The following PGM5 variants were observed in gnomAD, a reference collection of about 807,000 sequenced individuals.
The protein encoded by PGM5 is phosphoglucomutase 5.
In PGM5, 23 loss-of-function variants were observed where a neutral mutation model predicts 59.2. The observed-to-expected ratio is 0.39, with a 90% CI of 0.28 to 0.55. The LOEUF (loss-of-function observed/expected upper bound fraction) is 0.55, where lower values mean the gene tolerates loss of function less well. Among genes scored for constraint, PGM5 ranks in the 20% least tolerant of loss-of-function variants. PGM5 has a pLI of 0.66. For synonymous variants in PGM5, 214 were observed against 286.0 expected (o/e 0.75, Z 2.54); for missense variants, 574 against 748.3 (o/e 0.77, Z 2.72).
intron 6 of PGM5, chr9:68,399,097 A>G (rs1822597409): frequency 6.6e-6 from 1 of 152,100 alleles, no homozygotes; most frequent in Non-Finnish European, 1.5e-5. Context: ...TTTTCCACTA[A>G]AGACCACACT....
chr9:68,372,243 G>C (rs1344608223), intron 1 of PGM5, among the ~76,000 whole-genome samples: 6 of 148,862 alleles, frequency 4.0e-5, no homozygotes, highest in African/African-American at 1.5e-4. Flanking sequence ...TATCGGCATG[G>C]CCACACTCTG....
chr9:68,484,170 C>T lies in PGM5; in HGVS notation c.1479+122C>T, dbSNP rs906434646. Reference sequence around the variant, plus strand: ...CCTCATTTTATAGATGAGAACTGTGCAGCCAGGAAAGAGGAAAGCCCTTGA... The same window carrying T: ...CCTCATTTTATAGATGAGAACTGTGTAGCCAGGAAAGAGGAAAGCCCTTGA... On this transcript the variant is annotated intron_variant, in intron 9 of 10. Coordinates refer to ENST00000396396, the MANE Select transcript of PGM5 (RefSeq NM_021965.4). 26 of 815,450 alleles carry T rather than the reference C, an allele frequency of 3.2e-5. No homozygotes were observed. The Middle Eastern group carries it at 2.3e-3, about 71-fold the overall frequency. The allele number at this position is 815,450 out of a possible 1,614,324, so 50.5% of individuals were successfully genotyped here. A position where few individuals can be genotyped will look rare whatever the true frequency, so the allele number is the denominator to read the frequency against.
chr9:68,468,595 T>C (rs1170980417), intron 7 of PGM5, among the ~76,000 whole-genome samples: 1 of 152,190 alleles, frequency 6.6e-6, no homozygotes, highest in Non-Finnish European at 1.5e-5. Context: ...GGATGGTGTG[T>C]AGAATACAAA....
At chr9:68,462,700 C>T (rs782253868) in intron 6 of PGM5, among the ~76,000 whole-genome samples, 2 of 151,982 alleles carry the variant, frequency 1.3e-5, no homozygotes, top group Non-Finnish European at 2.9e-5. Context: ...CGTACCCTCC[C>T]TCTCACCCTC....
intron 6 of PGM5, among the ~76,000 whole-genome samples, chr9:68,410,983 G>T (rs781982797): frequency 6.6e-6 from 1 of 152,170 alleles, no homozygotes; most frequent in Non-Finnish European, 1.5e-5. Flanking sequence ...TCATGGAAAG[G>T]CCCCAGCAGT....
At chr9:68,469,890 T>C (rs1370878183) in intron 7 of PGM5, among the ~76,000 whole-genome samples, 1 of 152,184 alleles carries the variant, frequency 6.6e-6, no homozygotes, top group Non-Finnish European at 1.5e-5. Flanking sequence ...AGTAGTTATC[T>C]TTTTGTCATC....
intron 7 of PGM5, among the ~76,000 whole-genome samples, chr9:68,474,121 C>T (rs935399951): frequency 1.2e-4 from 19 of 152,104 alleles, no homozygotes; most frequent in Non-Finnish European, 2.9e-5. Context: ...ATGCCTGGGC[C>T]CCATCATTAA....
chr9:68,365,467 T>C (rs1405013774), intron 1 of PGM5, among the ~76,000 whole-genome samples: 1 of 151,792 alleles, frequency 6.6e-6, no homozygotes, highest in African/African-American at 2.4e-5. Flanking sequence ...CTAGAATATA[T>C]ATGTGACTTG....
chr9:68,395,014 T>G (rs574696449), intron 6 of PGM5, among the ~76,000 whole-genome samples: 152 of 152,314 alleles, frequency 1.0e-3, no homozygotes, highest in African/African-American at 3.5e-3. Flanking sequence ...ATGGATTATA[T>G]GATTATTATA....
intron 2 of PGM5, among the ~76,000 whole-genome samples, chr9:68,382,919 A>T (rs1822113510): frequency 6.6e-6 from 1 of 152,022 alleles, no homozygotes; most frequent in Non-Finnish European, 1.5e-5. Flanking sequence ...GCCAAAGAAT[A>T]TAGTATGGTG....
chr9:68,361,413 G>A (rs1834578730), intron 1 of PGM5, among the ~76,000 whole-genome samples: 1 of 152,218 alleles, frequency 6.6e-6, no homozygotes. Flanking sequence ...TTTTCACTCT[G>A]TTTTTTCCTG....
intron 10 of PGM5, among the ~76,000 whole-genome samples, chr9:68,511,565 T>TTTTTTTTTTTTTG: frequency 7.6e-6 from 1 of 132,352 alleles, no homozygotes; most frequent in Non-Finnish European, 1.6e-5. Flanking sequence ...TTTTTTTTTT[T>TTTTTTTTTTTTTG]TTTTTAGATG....
At chr9:68,430,773 T>TA (rs548364476) in intron 6 of PGM5, among the ~76,000 whole-genome samples, 95 of 152,354 alleles carry the variant, frequency 6.2e-4, no homozygotes, top group Non-Finnish European at 1.2e-3. Context: ...ACTGTTATGA[T>TA]AAAAAAGAAC....
chr9:68,392,774 TGAG>T (rs1162297059), intron 6 of PGM5, among the ~76,000 whole-genome samples: 1 of 152,116 alleles, frequency 6.6e-6, no homozygotes, highest in African/African-American at 2.4e-5. Context: ...GAAGTACAAA[TGAG>T]GTGCTTCATG....
intron 10 of PGM5, among the ~76,000 whole-genome samples, chr9:68,505,288 T>C (rs1199082819): frequency 6.6e-6 from 1 of 152,296 alleles, no homozygotes; most frequent in East Asian, 1.9e-4. Flanking sequence ...CAGTACAGTG[T>C]TATTGAGAGG....
chr9:68,507,324 A>C (rs1040885780), intron 10 of PGM5, among the ~76,000 whole-genome samples: 1 of 152,156 alleles, frequency 6.6e-6, no homozygotes, highest in Non-Finnish European at 1.5e-5. Context: ...GGGAAAGATG[A>C]CCAGCTGTTC....
chr9:68,382,586 G>A (rs1822105778), intron 2 of PGM5, among the ~76,000 whole-genome samples: 1 of 151,240 alleles, frequency 6.6e-6, no homozygotes, highest in African/African-American at 2.4e-5. Flanking sequence ...AAAATCTCTG[G>A]GTATTCTTTT....
intron 4 of PGM5, among the ~76,000 whole-genome samples, chr9:68,389,870 G>T (rs797026576): frequency 7.9e-5 from 12 of 152,126 alleles, no homozygotes; most frequent in African/African-American, 2.6e-4. Flanking sequence ...ATGCATGAGG[G>T]CTCCAGTTTA....
intron 6 of PGM5, among the ~76,000 whole-genome samples, chr9:68,399,783 C>T (rs1554680395): frequency 1.3e-5 from 2 of 152,064 alleles, no homozygotes; most frequent in East Asian, 1.9e-4. Context: ...CTCCTGAGTT[C>T]GATAGCCAAA....
Sources: allele counts gnomAD v4.1 joint callset (sites outside exome capture counted in the v4.1 genomes callset), GRCh38; gene constraint gnomAD v4.1.1; transcripts MANE v1.5; gene names NCBI Gene and HGNC (gene_info 2026-07-23, HGNC 2026-07-21).